Variants in LIMS1 observed in about 807,000 individuals in gnomAD.
LIMS1 encodes the protein LIM and senescent cell antigen-like-containing domain protein 1.
LIMS1 carries 18 observed loss-of-function variants against 44.1 expected under a neutral mutation model. The observed-to-expected ratio is 0.41, with a 90% CI of 0.28 to 0.61. The LOEUF (loss-of-function observed/expected upper bound fraction) is 0.61. Among genes scored for constraint, LIMS1 ranks in the 20% least tolerant of loss-of-function variants. LIMS1 has a pLI of 0.32. For synonymous variants in LIMS1, 93 were observed against 149.1 expected, an observed-to-expected ratio of 0.62 and a Z score of 2.74; for missense variants, 201 against 422.0, an observed-to-expected ratio of 0.48 and a Z score of 4.59.
At chr2:108,602,559 T>C (rs1017734707) in intron 1 of LIMS1, among the ~76,000 whole-genome samples, 14 of 152,252 alleles carry the variant, frequency 9.2e-5, no homozygotes, top group Non-Finnish European at 2.1e-4. Context: ...TCATAAGGTT[T>C]TTATCCTTCA....
intron 1 of LIMS1, among the ~76,000 whole-genome samples, chr2:108,589,767 CTTTAA>C (rs919105858): frequency 1.6e-4 from 24 of 152,172 alleles, no homozygotes; most frequent in African/African-American, 5.8e-4. Flanking sequence ...TTAATTTCCC[CTTTAA>C]TTTTTTCTTT....
intron 1 of LIMS1, among the ~76,000 whole-genome samples, chr2:108,615,715 A>C (rs1687893171): frequency 6.6e-6 from 1 of 152,184 alleles, no homozygotes; most frequent in Middle Eastern, 3.2e-3. Context: ...ATTTCTGACT[A>C]TATGAAGAAG....
chr2:108,679,359 G>A (rs550741953), intron 8 of LIMS1, among the ~76,000 whole-genome samples: 13 of 151,880 alleles, frequency 8.6e-5, no homozygotes, highest in East Asian at 7.8e-4. Flanking sequence ...GCATGCCTAT[G>A]ATCCCAGCTA....
At chr2:108,650,351 A>G (rs868830557) in intron 1 of LIMS1, among the ~76,000 whole-genome samples, 1 of 152,096 alleles carries the variant, frequency 6.6e-6, no homozygotes, top group East Asian at 1.9e-4. Flanking sequence ...GCTAAATAAG[A>G]TAAGTGACTG....
At chr2:108,599,073 C>G (rs1445486933) in intron 1 of LIMS1, among the ~76,000 whole-genome samples, 1 of 151,928 alleles carries the variant, frequency 6.6e-6, no homozygotes, top group Non-Finnish European at 1.5e-5. Context: ...AATGTCCAAT[C>G]TAATTATTAT....
chr2:108,679,714 C>G (rs1024739376), intron 8 of LIMS1, among the ~76,000 whole-genome samples: 1 of 151,184 alleles, frequency 6.6e-6, no homozygotes, highest in Admixed American at 6.6e-5. Flanking sequence ...GCCAGGAGTT[C>G]GATACCAGCC....
chr2:108,677,245 T>C (rs986960142), intron 7 of LIMS1: 14 of 152,960 alleles, frequency 9.2e-5, no homozygotes, highest in African/African-American at 3.4e-4. Flanking sequence ...TTTGATGACA[T>C]TGACATTTTG....
intron 1 of LIMS1, among the ~76,000 whole-genome samples, chr2:108,572,527 C>G (rs1343199839): frequency 1.3e-5 from 2 of 151,830 alleles, no homozygotes; most frequent in Admixed American, 1.3e-4. Flanking sequence ...GGATTACAGG[C>G]AGGAGGATTA....
chr2:108,636,911 C>G (rs1437002861), intron 1 of LIMS1, among the ~76,000 whole-genome samples: 1 of 152,140 alleles, frequency 6.6e-6, no homozygotes, highest in African/African-American at 2.4e-5. Context: ...GGCAGTGTTA[C>G]ATGAGCACCA....
At chr2:108,554,916 A>G (rs1399164853) in intron 1 of LIMS1, among the ~76,000 whole-genome samples, 2 of 152,136 alleles carry the variant, frequency 1.3e-5, no homozygotes. Context: ...TCTCAGACCT[A>G]CCAAATCCGG....
intron 1 of LIMS1, among the ~76,000 whole-genome samples, chr2:108,619,710 AGAATTG>A (rs951927311): frequency 5.6e-4 from 85 of 152,226 alleles, no homozygotes; most frequent in African/African-American, 2.0e-3. Flanking sequence ...CAAAACAAAA[AGAATTG>A]GATACTTCAG....
intron 1 of LIMS1, among the ~76,000 whole-genome samples, chr2:108,542,214 AC>A (rs1684339040): frequency 6.6e-6 from 1 of 152,170 alleles, no homozygotes. Context: ...GCTGGCAGAG[AC>A]CCAACATCAT....
chr2:108,534,490 A>G, exon 1 of LIMS1: 1 of 1,103,678 alleles, frequency 9.1e-7, no homozygotes, highest in Non-Finnish European at 1.1e-6. Context: ...CGCGGCGGCG[A>G]GGGACTAGGA....
chr2:108,648,103 C>A (rs573656843), intron 1 of LIMS1, among the ~76,000 whole-genome samples: 1 of 152,284 alleles, frequency 6.6e-6, no homozygotes, highest in Admixed American at 6.5e-5. Flanking sequence ...AGCTGATAAG[C>A]AAATTCAGCA....
chr2:108,665,785 A>G (rs1242093065), intron 2 of LIMS1, among the ~76,000 whole-genome samples: 2 of 151,966 alleles, frequency 1.3e-5, no homozygotes, highest in African/African-American at 4.8e-5. Context: ...CGGCCTTCCA[A>G]AGTGCTGAGA....
chr2:108,554,472 T>C (rs962479266), intron 1 of LIMS1, among the ~76,000 whole-genome samples: 1 of 152,198 alleles, frequency 6.6e-6, no homozygotes, highest in South Asian at 2.1e-4. Context: ...ATCTTCCTTA[T>C]TCTTGGGGTA....
chr2:108,667,486 T>C (rs746185639), intron 2 of LIMS1, among the ~76,000 whole-genome samples: 60 of 150,458 alleles, frequency 4.0e-4, no homozygotes, highest in Non-Finnish European at 2.8e-4. Flanking sequence ...CAAATTATAG[T>C]TAATCCTAAT....
intron 2 of LIMS1, among the ~76,000 whole-genome samples, chr2:108,665,402 T>G (rs1170979435): frequency 6.6e-6 from 1 of 152,348 alleles, no homozygotes; most frequent in African/African-American, 2.4e-5. Flanking sequence ...ATATACCATA[T>G]ACCATGGTAG....
chr2:108,610,484 A>G (rs1687541444), intron 1 of LIMS1, among the ~76,000 whole-genome samples: 1 of 152,136 alleles, frequency 6.6e-6, no homozygotes, highest in Non-Finnish European at 1.5e-5. Context: ...AATCCCAGAC[A>G]TCAGGTCATT....
Sources: allele counts gnomAD v4.1 joint callset (sites outside exome capture counted in the v4.1 genomes callset), GRCh38; gene constraint gnomAD v4.1.1; transcripts MANE v1.5; gene names NCBI Gene and HGNC (gene_info 2026-07-23, HGNC 2026-07-21).